Variants in SDK2 observed in about 807,000 individuals in gnomAD.
The protein encoded by SDK2 is sidekick cell adhesion molecule 2.
A neutral mutation model predicts 253.9 loss-of-function variants in SDK2; 105 were observed. That is an observed-to-expected ratio of 0.41 (90% CI 0.35 to 0.49). SDK2 has a LOEUF of 0.49. Among genes scored for constraint, SDK2 ranks in the 20% least tolerant of loss-of-function variants. The pLI, the probability that SDK2 is intolerant of heterozygous loss-of-function variation, is 0.06. For synonymous variants in SDK2, 1,249 were observed against 1,234.9 expected (o/e 1.01, Z -0.24); for missense variants, 2,608 against 3,003.0 (o/e 0.87, Z 3.07).
At chr17:73,543,304 C>T (rs375121762) in intron 1 of SDK2, among the ~76,000 whole-genome samples, 35 of 152,194 alleles carry the variant, frequency 2.3e-4, no homozygotes, top group African/African-American at 7.9e-4. Context: ...CCCGCACCCT[C>T]GCAGGTGTGG....
At chr17:73,371,957 TA>T (rs11361484) in intron 36 of SDK2, among the ~76,000 whole-genome samples, 136,202 of 144,122 alleles carry the variant, frequency 0.95, 64,321 homozygotes, top group Middle Eastern at 0.97. Context: ...GAGAGTCCGT[TA>T]AAAAAAAAAA....
At position 73,361,728 on chromosome 17, in the gene SDK2, T is replaced by C. The variant is rs753052485; in HGVS notation, c.5423A>G (p.Tyr1808Cys). Residue 1808 changes from tyrosine (Y) to cysteine (C), a missense_variant, in exon 39 of 45, where the codon TAC (tyrosine) becomes TGC (cysteine). By Grantham distance (194) the Tyr-to-Cys change is radical (BLOSUM62 -2). Coordinates refer to ENST00000392650, the MANE Select transcript of SDK2 (RefSeq NM_001144952.2). The surrounding 1 kb of genome is among the most constrained non-coding windows in gnomAD (Gnocchi z 4.1). ...GACGTTGGCTTCGATCTCCGGCCCGTAGGTGAAGGTCTTGGCTCTGATGCG... is the reference window on the plus strand; with the variant it reads ...GACGTTGGCTTCGATCTCCGGCCCGCAGGTGAAGGTCTTGGCTCTGATGCG... ...RFRIRAKTFT[Y>C]GPEIEANVTT... 2 of 1,612,808 alleles carry C rather than the reference T, an allele frequency of 1.2e-6. No homozygotes were observed. The highest frequency in any genetic ancestry group is 1.7e-5 in the Admixed American group (1 of 59,984).
chr17:73,346,418 T>G (rs1008846417), intron 44 of SDK2, among the ~76,000 whole-genome samples: 11 of 152,212 alleles, frequency 7.2e-5, no homozygotes, highest in Non-Finnish European at 1.5e-4. Context: ...TTTTTTTTTT[T>G]TGTACAAAAC....
intron 1 of SDK2, among the ~76,000 whole-genome samples, chr17:73,638,369 G>A (rs2046358098): frequency 6.6e-6 from 1 of 152,228 alleles, no homozygotes; most frequent in Admixed American, 6.5e-5. Flanking sequence ...TATGTCAGCT[G>A]GAGCTGAGTG....
At chr17:73,423,845 G>A (rs921854917) in intron 13 of SDK2, 71 bp downstream of exon 13, 23 of 1,313,962 alleles carry the variant, frequency 1.8e-5, no homozygotes, top group East Asian at 5.1e-5. Context: ...AAAGGGACTC[G>A]GCTGGCTCTG....
In SDK2 at chr17:73,422,325, G is replaced by A; in HGVS notation, c.2007C>T (p.Asn669=). The change falls in exon 15 of 45, where the codon AAC becomes AAT. Residue 669 remains asparagine, a synonymous_variant. Coordinates refer to ENST00000392650, the MANE Select transcript of SDK2 (RefSeq NM_001144952.2). ...TGCTGAACTGTCCTTTCCCCACGTC[G>A]TTGACGGCACAAAGACGGAACTGGT... ...RSYQFRLCAV[N]DVGKGQFSKD... 4 of 1,613,932 alleles carry A rather than the reference G, an allele frequency of 2.5e-6. No homozygotes were observed. Among genetic ancestry groups the A allele is most frequent in the East Asian group, 2.2e-5 (1 of 44,874 alleles).
At chr17:73,433,288 CT>C (rs71157015) in intron 10 of SDK2, among the ~76,000 whole-genome samples, 30,940 of 147,438 alleles carry the variant, frequency 0.21, 3,360 homozygotes, top group East Asian at 0.34. Flanking sequence ...GAAGGATGCT[CT>C]TTTTTTTTTT....
At chr17:73,530,793 G>A (rs772570742) in intron 1 of SDK2, among the ~76,000 whole-genome samples, 3 of 152,176 alleles carry the variant, frequency 2.0e-5, no homozygotes, top group Non-Finnish European at 4.4e-5. Context: ...ATCATTTTGA[G>A]CATCTATTAG....
chr17:73,644,120 C>A lies in SDK2; in HGVS notation c.-32G>T. 3 of 1,518,612 alleles carry A rather than the reference C, an allele frequency of 2.0e-6. No homozygotes were observed. The highest frequency in any genetic ancestry group is 2.7e-6 in the Non-Finnish European group (3 of 1,117,330). The allele number at this position is 1,518,612 out of a possible 1,614,324, so 94.1% of individuals were successfully genotyped here. A position where few individuals can be genotyped will look rare whatever the true frequency, so the allele number is the denominator to read the frequency against. ...CAGCCTGGAGAGGGGTCCTCGGGGT[C>A]TCCCTTCCCTCCGCCCTGTTTTATA... On this transcript the variant is annotated 5_prime_UTR_variant, in exon 1 of 45. Transcript: ENST00000392650. This position sits in a 1 kb window ranked among gnomAD's most constrained non-coding sequence, Gnocchi z 6.3.
intron 1 of SDK2, among the ~76,000 whole-genome samples, chr17:73,608,062 C>T (rs781413265): frequency 2.4e-4 from 36 of 152,192 alleles, no homozygotes; most frequent in Admixed American, 9.2e-4. Context: ...GGACTTCCCT[C>T]GTCTTTCCCT....
At chr17:73,503,179 C>T (rs8077605) in intron 2 of SDK2, among the ~76,000 whole-genome samples, 88,080 of 151,976 alleles carry the variant, frequency 0.58, 25,850 homozygotes, top group Non-Finnish European at 0.62. Context: ...AAAGGTCACA[C>T]GTGATCCCCG....
Position 73,606,575 on chromosome 17 carries a change from G to T in SDK2, c.64+37450C>A, listed in dbSNP as rs537599828. On this transcript the variant is annotated intron_variant, in intron 1 of 44. Transcript: ENST00000392650. ...CGGGTTTCACCGTTTCTACTCCACA[G>T]ATGAGGCTCAATGAGTTGTCATAAA... Among the ~76,000 whole-genome samples the T allele has an allele frequency of 7.9e-5, 12 of 152,338 alleles. No homozygotes were observed. The East Asian group carries it at 2.3e-3, about 29-fold the overall frequency.
Position 73,415,906 on chromosome 17 carries a change from A to C in SDK2, c.2273T>G (p.Ile758Ser). 6.2e-7 allele frequency: 1 copy of C among 1,607,102 alleles called. No homozygotes were observed. The highest frequency in any genetic ancestry group is 8.5e-7 in the Non-Finnish European group (1 of 1,176,992). Reference sequence around the variant, plus strand: ...CTCGATCTCGTAGTTGGTCCAAATGATGAGATCCTCCAGCAGCAGGTTGTT... The same window carrying C: ...CTCGATCTCGTAGTTGGTCCAAATGCTGAGATCCTCCAGCAGCAGGTTGTT... ...DVNNLLLEDL[I>S]IWTNYEIEVA... is the part of the protein sequence containing the mutation. Residue 758 changes from isoleucine (I) to serine (S), a missense_variant, in exon 17 of 45, where the codon ATC becomes AGC. Around this residue, in one of 2 missense-constraint regions of SDK2, gnomAD observed 1,505 missense variants for 1,859.1 expected, o/e 0.81. Coordinates refer to ENST00000392650, the MANE Select transcript of SDK2 (RefSeq NM_001144952.2).
chr17:73,489,145 C>T (rs533294361), intron 2 of SDK2, among the ~76,000 whole-genome samples: 40 of 152,200 alleles, frequency 2.6e-4, no homozygotes, highest in Non-Finnish European at 4.4e-4. Flanking sequence ...GTGGTATCAG[C>T]AGCTGCTTGT....
intron 2 of SDK2, among the ~76,000 whole-genome samples, chr17:73,493,324 C>T (rs2063820272): frequency 6.6e-6 from 1 of 152,208 alleles, no homozygotes; most frequent in Admixed American, 6.5e-5. Context: ...TCCTCGGGAG[C>T]CTTTCATTAA....
chr17:73,339,283 T>TGGA (rs2062412888), intron 44 of SDK2, among the ~76,000 whole-genome samples: 1 of 148,788 alleles, frequency 6.7e-6, no homozygotes, highest in African/African-American at 2.5e-5. Context: ...CTGGAGTACA[T>TGGA]TGGCATGATC....
At chr17:73,583,619 TC>T (rs2045565549) in intron 1 of SDK2, among the ~76,000 whole-genome samples, 1 of 152,166 alleles carries the variant, frequency 6.6e-6, no homozygotes, top group African/African-American at 2.4e-5. Flanking sequence ...GTGATGACAG[TC>T]CCCGGCCCTC....
At chr17:73,365,138 A>G (rs1201241920) in intron 38 of SDK2, 120 bp downstream of exon 38, 9 of 690,670 alleles carry the variant, frequency 1.3e-5, no homozygotes, top group African/African-American at 1.1e-4. Flanking sequence ...TTCCGTGTTT[A>G]TAAGATGGGG....
At chr17:73,549,755 G>A (rs1351163159) in intron 1 of SDK2, among the ~76,000 whole-genome samples, 1 of 152,176 alleles carries the variant, frequency 6.6e-6, no homozygotes, top group Non-Finnish European at 1.5e-5. Flanking sequence ...GGGGATGGGG[G>A]GCAGAGACAA....
Sources: allele counts gnomAD v4.1 joint callset (sites outside exome capture counted in the v4.1 genomes callset), GRCh38; gene constraint gnomAD v4.1.1; regional missense constraint gnomAD v4.1.1; non-coding constraint Gnocchi (gnomAD v3.1); transcripts MANE v1.5; gene names NCBI Gene and HGNC (gene_info 2026-07-23, HGNC 2026-07-21).